Variants in C2orf81 observed in about 807,000 individuals in gnomAD.
C2orf81 encodes the protein chromosome 2 open reading frame 81.
Under a neutral mutation model 7.9 loss-of-function variants are expected in C2orf81, and 5 were observed. The ratio of observed to expected loss-of-function variants is 0.63; its 90% CI spans 0.33 to 1.33. C2orf81 has a LOEUF of 1.33. C2orf81 is among the 40% of genes most tolerant of loss of function. The pLI is 0.05. For missense variants in C2orf81, 781 were observed against 830.4 expected (o/e 0.94, Z 0.73); for synonymous variants, 346 against 367.4 (o/e 0.94, Z 0.66).
chr2:74,415,394 T>C lies in C2orf81; in HGVS notation c.783A>G (p.Gln261=), dbSNP rs764828936. The C allele has an allele frequency of 4.7e-5, 72 of 1,523,936 alleles. 2 individuals are homozygous for C. In the South Asian group the frequency reaches 7.6e-4, roughly 16 times the overall value. 94.4% of individuals were successfully genotyped at this position (1,523,936 alleles called of 1,614,324 possible). A position where few individuals can be genotyped will look rare whatever the true frequency, so the allele number is the denominator to read the frequency against. The part of the protein sequence containing the change: ...SSAGSLSASF[Q]LSVEEAPADD... ...CGGCAGGCGCCTCCTCCACCGACAGTTGGAAGCTCGCGCTCAAGGACCCGG... is the reference window on the plus strand; with the variant it reads ...CGGCAGGCGCCTCCTCCACCGACAGCTGGAAGCTCGCGCTCAAGGACCCGG... Residue 261 remains glutamine, a synonymous_variant, in exon 3 of 3, where the codon CAA becomes CAG. Transcript: ENST00000684111. The surrounding 1 kb of genome is among the most constrained non-coding windows in gnomAD (Gnocchi z 5.5).
At chr2:74,419,338 A>C (rs1298903365) in intron 1 of C2orf81, among the ~76,000 whole-genome samples, 1 of 152,162 alleles carries the variant, frequency 6.6e-6, no homozygotes, top group Non-Finnish European at 1.5e-5. Flanking sequence ...TTGCAATAAA[A>C]ATTTAAACTA....
At chr2:74,417,927 CA>C (rs1331651357) in intron 1 of C2orf81, among the ~76,000 whole-genome samples, 4 of 151,656 alleles carry the variant, frequency 2.6e-5, no homozygotes, top group African/African-American at 7.3e-5. Context: ...GGGAAGAGGC[CA>C]GGGGAAAAGT....
At position 74,415,848 on chromosome 2, in the gene C2orf81, C is replaced by A; in HGVS notation, c.329G>T (p.Gly110Val). The A allele has an allele frequency of 6.4e-7, 1 of 1,551,610 alleles. No individual in the cohort carries two copies. Among genetic ancestry groups the A allele is most frequent in the Non-Finnish European group, 8.7e-7 (1 of 1,146,992 alleles). The change falls in exon 3 of 3, where the codon GGA becomes GTA. Residue 110 changes from glycine to valine, a missense_variant. Coordinates refer to ENST00000684111, the MANE Select transcript of C2orf81 (RefSeq NM_001316764.3). The surrounding 1 kb of genome is among the most constrained non-coding windows in gnomAD (Gnocchi z 5.5). The part of the protein sequence containing the change: ...TEWRFLARDE[G>V]ESAVAEDPTW... ...GGGGTCCTCAGCTACTGCAGATTCT[C>A]CCTCGTCCCGGGCCAGGAAGCGCCA...
chr2:74,418,396 T>C (rs1213967482), intron 1 of C2orf81: 2 of 1,589,730 alleles, frequency 1.3e-6, no homozygotes, highest in East Asian at 4.5e-5. Context: ...GTCCTTTTTC[T>C]GCTTGGAGGC....
At chr2:74,418,437 G>C (rs767625100) in intron 1 of C2orf81, 8 of 1,550,682 alleles carry the variant, frequency 5.2e-6, no homozygotes, top group Non-Finnish European at 6.2e-6. Context: ...AGCTCGACTC[G>C]CTCATCTTCC....
chr2:74,417,473 G>A (rs1051125392), intron 1 of C2orf81: 2 of 1,292,792 alleles, frequency 1.5e-6, no homozygotes, highest in African/African-American at 1.5e-5. Flanking sequence ...CAAAGAGGGA[G>A]TAGGGGACTC....
rs934044523 is a variant in C2orf81, at chr2:74,417,464, A to G, written c.19-1223T>C. ...ACGGTAAGGGGGCTGGGGCCACTGCAAAGAGGGAGTAGGGGACTCACACCC... is the reference window on the plus strand; with the variant it reads ...ACGGTAAGGGGGCTGGGGCCACTGCGAAGAGGGAGTAGGGGACTCACACCC... On this transcript the variant is annotated intron_variant, in intron 1 of 2. Coordinates refer to ENST00000684111, the MANE Select transcript of C2orf81 (RefSeq NM_001316764.3). 15 of 1,304,116 alleles carry G rather than the reference A, an allele frequency of 1.2e-5. No individual in the cohort carries two copies. In the African/African-American group the frequency reaches 2.3e-4, roughly 20 times the overall value. The allele number at this position is 1,304,116 out of a possible 1,614,324, so 80.8% of individuals were successfully genotyped here.
Position 74,415,556 on chromosome 2 carries a change from C to T in C2orf81, c.621G>A (p.Glu207=). ...GAGAAGGCTCCCAAGATTCCATCTG[C>T]TCCTGGGAGCCTCGACCCATCCACG... The part of the protein sequence containing the change: ...GRSWMGRGSQ[E]QMESWEPSPQ... Residue 207 remains glutamate (E), a synonymous_variant, in exon 3 of 3, where the codon GAG becomes GAA. Coordinates refer to ENST00000684111, the MANE Select transcript of C2orf81 (RefSeq NM_001316764.3). The surrounding 1 kb of genome is among the most constrained non-coding windows in gnomAD (Gnocchi z 5.5). The T allele has an allele frequency of 6.4e-7, 1 of 1,550,546 alleles. No homozygotes were observed. The highest frequency in any genetic ancestry group is 8.7e-7 in the Non-Finnish European group (1 of 1,146,408).
chr2:74,418,065 G>A, intron 1 of C2orf81: 1 of 551,686 alleles, frequency 1.8e-6, no homozygotes, highest in Non-Finnish European at 3.4e-6. Flanking sequence ...GGAAGGGGTG[G>A]GGGGTGGGAG....
At chr2:74,420,163 G>A (rs1484947297) in intron 1 of C2orf81, among the ~76,000 whole-genome samples, 1 of 152,144 alleles carries the variant, frequency 6.6e-6, no homozygotes, top group African/African-American at 2.4e-5. Context: ...TCTCATATAT[G>A]TAAACCACTA....
At chr2:74,416,314 G>A (rs1447404893) in intron 1 of C2orf81, 73 bp from the exon 2 acceptor site, 1 of 1,121,312 alleles carries the variant, frequency 8.9e-7, no homozygotes, top group Non-Finnish European at 1.2e-6. Context: ...TAGGCTAGGA[G>A]GAAGCTTTCT....
Position 74,415,537 on chromosome 2 carries a change from G to T in C2orf81, c.640C>A (p.Pro214Thr). 1 of 1,548,378 alleles carries T rather than the reference G, an allele frequency of 6.5e-7. No homozygotes were observed. The highest frequency in any genetic ancestry group is 8.7e-7 in the Non-Finnish European group (1 of 1,144,694). Residue 214 changes from proline to threonine, a missense_variant, in exon 3 of 3, where the codon CCT (proline) becomes ACT (threonine). Transcript: ENST00000684111. The surrounding 1 kb of genome is among the most constrained non-coding windows in gnomAD (Gnocchi z 5.5). ...GACGTGACTCTCAGCTGCGGAGAAGGCTCCCAAGATTCCATCTGCTCCTGG... is the reference window on the plus strand; with the variant it reads ...GACGTGACTCTCAGCTGCGGAGAAGTCTCCCAAGATTCCATCTGCTCCTGG... ...GSQEQMESWE[P>T]SPQLRVTSAP...
At chr2:74,418,936 T>C in intron 1 of C2orf81, among the ~76,000 whole-genome samples, 1 of 150,546 alleles carries the variant, frequency 6.6e-6, no homozygotes, top group Non-Finnish European at 1.5e-5. Context: ...ATCCCAGCAC[T>C]TTGGGAGGCC....
At position 74,414,947 on chromosome 2, in the gene C2orf81, C is replaced by T. The variant is rs1036812087; in HGVS notation, c.1230G>A (p.Arg410=). Residue 410 remains arginine, a synonymous_variant, in exon 3 of 3, where the codon CGG becomes CGA. Coordinates refer to ENST00000684111, the MANE Select transcript of C2orf81 (RefSeq NM_001316764.3). This position sits in a 1 kb window ranked among gnomAD's most constrained non-coding sequence, Gnocchi z 5.3. The part of the protein sequence containing the change: ...RPLEAYRGRQ[R]GEKTKARAEP... ...CGGCCCGGGCCTTGGTCTTCTCGCC[C>T]CGCTGGCGTCCGCGGTAGGCTTCCA... 5.2e-5 allele frequency: 80 copies of T among 1,546,358 alleles called. No individual in the cohort carries two copies. In the African/African-American group the frequency reaches 1.0e-3, roughly 20 times the overall value.
In C2orf81 at chr2:74,416,003, C is replaced by T. The variant is rs1676456061; in HGVS notation, c.249+8G>A. On this transcript the variant is annotated splice_region_variant and intron_variant, in intron 2 of 2. Transcript: ENST00000684111. ...AGACGAGTCTGAAGGACCCGGATCC[C>T]GGCCCACCTGCTGAGTCAGGTAGAC... The T allele has an allele frequency of 6.5e-7, 1 of 1,549,734 alleles. No homozygotes were observed. The highest frequency in any genetic ancestry group is 2.0e-5 in the Admixed American group (1 of 50,984).
intron 1 of C2orf81, chr2:74,418,682 G>T (rs1009641353): frequency 3.9e-6 from 2 of 512,018 alleles, no homozygotes; most frequent in Non-Finnish European, 7.0e-6. Flanking sequence ...GCTCAGGGGA[G>T]CTTAAAAAGT....
In C2orf81 at chr2:74,415,365, T is replaced by A; in HGVS notation, c.812A>T (p.Asp271Val). 6.6e-7 allele frequency: 1 copy of A among 1,518,276 alleles called. No homozygotes were observed. The highest frequency in any genetic ancestry group is 2.1e-5 in the Admixed American group (1 of 47,546). 94.1% of individuals were successfully genotyped at this position (1,518,276 alleles called of 1,614,324 possible). ...QLSVEEAPAD[D>V]ADPSLDPYLV... ...GTACGGATCCAGAGAAGGGTCGGCA[T>A]CGTCGGCAGGCGCCTCCTCCACCGA... The change falls in exon 3 of 3, where the codon GAT becomes GTT. Residue 271 changes from aspartate (D) to valine (V), a missense_variant. Asp to Val is a radical substitution (Grantham distance 152, BLOSUM62 -3). Coordinates refer to ENST00000684111, the MANE Select transcript of C2orf81 (RefSeq NM_001316764.3). The surrounding 1 kb of genome is among the most constrained non-coding windows in gnomAD (Gnocchi z 5.5).
rs7578228 is a variant in C2orf81, at chr2:74,414,385, T to A, written c.1792A>T (p.Thr598Ser). The change falls in exon 3 of 3, where the codon ACC (threonine) becomes TCC (serine). Residue 598 changes from threonine to serine, a missense_variant. Physicochemically the swap from Thr to Ser is moderately conservative, Grantham distance 58. Coordinates refer to ENST00000684111, the MANE Select transcript of C2orf81 (RefSeq NM_001316764.3). The surrounding 1 kb of genome is among the most constrained non-coding windows in gnomAD (Gnocchi z 5.3). The part of the protein sequence containing the change: ...VPEQEDKEGS[T>S]FPPVEQHPIQ... Reference sequence around the variant, plus strand: ...GGATGTTGCTCAACGGGAGGAAAGGTGCTACCTTCTTTGTCCTCTTGTTCA... The same window carrying A: ...GGATGTTGCTCAACGGGAGGAAAGGAGCTACCTTCTTTGTCCTCTTGTTCA... 4,108 of 1,532,294 alleles carry A rather than the reference T, an allele frequency of 2.7e-3. 86 individuals are homozygous for A. The African/African-American group carries it at 0.049, about 18-fold the overall frequency. The allele number at this position is 1,532,294 out of a possible 1,614,324, so 94.9% of individuals were successfully genotyped here.
In C2orf81 at chr2:74,417,609, C is replaced by T. The variant is rs987280563; in HGVS notation, c.19-1368G>A. 7.7e-6 allele frequency: 8 copies of T among 1,038,330 alleles called. No individual in the cohort carries two copies. In the African/African-American group the frequency reaches 1.3e-4, roughly 17 times the overall value. The allele number at this position is 1,038,330 out of a possible 1,614,324, so 64.3% of individuals were successfully genotyped here. ...CAAAGACAGTTTGGCTGGGGGAATC[C>T]TGGGGGCCAGCACCCCCCTCCATTG... is the stretch of plus-strand genomic sequence containing the variant. On this transcript the variant is annotated intron_variant, in intron 1 of 2. Coordinates refer to ENST00000684111, the MANE Select transcript of C2orf81 (RefSeq NM_001316764.3).
Sources: allele counts gnomAD v4.1 joint callset (sites outside exome capture counted in the v4.1 genomes callset), GRCh38; gene constraint gnomAD v4.1.1; non-coding constraint Gnocchi (gnomAD v3.1); transcripts MANE v1.5; gene names NCBI Gene and HGNC (gene_info 2026-07-23, HGNC 2026-07-21).